WDR86: variants seen among roughly 807,000 people sequenced by gnomAD.
WDR86 encodes the protein WD repeat-containing protein 86.
A neutral mutation model predicts 36.5 loss-of-function variants in WDR86; 30 were observed. The ratio of observed to expected loss-of-function variants is 0.82; its 90% CI spans 0.61 to 1.11. The LOEUF (loss-of-function observed/expected upper bound fraction) is 1.11. Among genes scored for constraint, WDR86 ranks in the 50% most tolerant of loss-of-function variants. The pLI, the probability that WDR86 is intolerant of heterozygous loss-of-function variation, is 0.00. For missense variants in WDR86, 545 were observed against 561.2 expected (o/e 0.97, Z 0.29); for synonymous variants, 255 against 252.9 (o/e 1.01, Z -0.08).
In WDR86 at chr7:151,381,788, G is replaced by C; in HGVS notation, c.967-42C>G. 6.7e-7 allele frequency: 1 copy of C among 1,486,516 alleles called. No homozygotes were observed. Among genetic ancestry groups the C allele is most frequent in the South Asian group, 1.3e-5 (1 of 75,826 alleles). The allele number at this position is 1,486,516 out of a possible 1,614,324, so 92.1% of individuals were successfully genotyped here. Reference sequence around the variant, plus strand: ...GGGCGTCACCGGTGACGCGGTAGGCGGGGGGGACACCGCTGCCCGCGTGGA... The same window carrying C: ...GGGCGTCACCGGTGACGCGGTAGGCCGGGGGGACACCGCTGCCCGCGTGGA... On this transcript the variant is annotated intron_variant, in intron 5 of 5. Transcript: ENST00000334493. The surrounding 1 kb of genome is among the most constrained non-coding windows in gnomAD (Gnocchi z 4.8).
At chr7:151,399,284 C>G (rs905758214) in intron 2 of WDR86, among the ~76,000 whole-genome samples, 1 of 152,230 alleles carries the variant, frequency 6.6e-6, no homozygotes, top group Admixed American at 6.5e-5. Context: ...CCTGTCCCCC[C>G]ATGCGCTGGT....
At chr7:151,377,043 G>A (rs1293702820), downstream of WDR86, 3 of 1,540,528 alleles carry the variant, frequency 1.9e-6, no homozygotes, top group East Asian at 2.4e-5. Context: ...GTATTTTATT[G>A]TAGGAACCTC....
Position 151,409,368 on chromosome 7 carries a change from C to A in WDR86, c.163+59G>T. ...GTCTGCGGGCGCAGGAGCTGGGGTC[C>A]GCGGTCTGGGGCCGGTGAGCTGCGG... On this transcript the variant is annotated intron_variant, in intron 1 of 5. Transcript: ENST00000334493. This position sits in a 1 kb window ranked among gnomAD's most constrained non-coding sequence, Gnocchi z 5.2. 1 of 1,542,280 alleles carries A rather than the reference C, an allele frequency of 6.5e-7. No individual in the cohort carries two copies.
intron 1 of WDR86, among the ~76,000 whole-genome samples, chr7:151,407,202 T>C (rs1800767809): frequency 6.6e-6 from 1 of 152,196 alleles, no homozygotes; most frequent in South Asian, 2.1e-4. Flanking sequence ...CTGCCCTCAA[T>C]TAGGGCAGAA....
At chr7:151,400,275 C>G (rs767540759) in intron 1 of WDR86, 34 bp from the exon 2 acceptor site, 2 of 1,518,922 alleles carry the variant, frequency 1.3e-6, no homozygotes, top group African/African-American at 2.8e-5. Context: ...TGTGAGCGTA[C>G]TGGGGATGCC....
rs1250525083 is a variant in WDR86 at position 151,409,478 on chromosome 7, T to G, written c.112A>C (p.Thr38Pro). 8.5e-6 allele frequency: 13 copies of G among 1,536,552 alleles called. No homozygotes were observed. The highest frequency in any genetic ancestry group is 2.0e-5 in the Admixed American group (1 of 51,070). The change falls in exon 1 of 6, where the codon ACG (threonine) becomes CCG (proline). Residue 38 changes from threonine to proline, a missense_variant. Coordinates refer to ENST00000334493, the MANE Select transcript of WDR86 (RefSeq NM_198285.3). The surrounding 1 kb of genome is among the most constrained non-coding windows in gnomAD (Gnocchi z 5.2). The part of the protein sequence containing the change: ...QRLLTGSEDG[T>P]ARLWSTADGQ... ...TCCGCGGTGCTCCAGAGCCGGGCCG[T>G]GCCGTCCTCGCTGCCCGTCAGCAGG...
chr7:151,410,179 C>T, upstream of WDR86: 4 of 762,584 alleles, frequency 5.2e-6, no homozygotes, highest in Non-Finnish European at 6.4e-6. Flanking sequence ...CACGTGCGAC[C>T]CTCCTAGCTG....
intron 3 of WDR86, among the ~76,000 whole-genome samples, chr7:151,391,562 T>C (rs2240627): frequency 0.18 from 27,329 of 152,064 alleles, 2,671 homozygotes; most frequent in East Asian, 0.41. Flanking sequence ...CTGGATTCTG[T>C]TTCTCTGCGC....
At chr7:151,408,649 C>T in intron 1 of WDR86, 2 of 300,774 alleles carry the variant, frequency 6.6e-6, no homozygotes, top group Non-Finnish European at 1.3e-5. Context: ...CAGCAGAAAG[C>T]CTCGCGGCTC....
rs971715891 is a variant in WDR86, at chr7:151,388,534, T to C, written c.727-3311A>G. ...CGCTTAGAAGCAGGTCCTCACACCA[T>C]CTCTGGCCCGACCCTCTCCAAAGGA... On this transcript the variant is annotated intron_variant, in intron 3 of 5. Transcript: ENST00000334493. This position sits in a 1 kb window ranked among gnomAD's most constrained non-coding sequence, Gnocchi z 4.2. 1.3e-5 allele frequency among the ~76,000 whole-genome samples: 2 copies of C among 152,158 alleles called. No homozygotes were observed. Among genetic ancestry groups the C allele is most frequent in the African/African-American group, 4.8e-5 (2 of 41,442 alleles).
intron 3 of WDR86, among the ~76,000 whole-genome samples, chr7:151,391,160 C>T (rs1239175177): frequency 6.6e-6 from 1 of 152,220 alleles, no homozygotes; most frequent in Non-Finnish European, 1.5e-5. Context: ...CGATGGCCCT[C>T]GGTCAGAGAA....
intron 2 of WDR86, among the ~76,000 whole-genome samples, chr7:151,397,701 T>C (rs62490299): frequency 0.087 from 2,893 of 33,128 alleles, 135 homozygotes; most frequent in African/African-American, 0.17. Context: ...GAGGGTGTAG[T>C]GGGAGGAAGG....
downstream of WDR86, chr7:151,376,508 C>A: frequency 1.1e-6 from 1 of 908,352 alleles, no homozygotes; most frequent in Non-Finnish European, 1.6e-6. Flanking sequence ...GACTTGTGCA[C>A]AAAGGGCCAT....
intron 1 of WDR86, among the ~76,000 whole-genome samples, chr7:151,402,070 A>AAAAAAAAAATATATATATATATATATAT: frequency 4.0e-5 from 2 of 50,526 alleles, no homozygotes; most frequent in African/African-American, 1.2e-4. Flanking sequence ...AAAAAAAAAA[A>AAAAAAAAAATATATATATATATATATAT]ATATATATAT....
chr7:151,382,439 G>T (rs1459668698), intron 4 of WDR86, among the ~76,000 whole-genome samples: 1 of 152,190 alleles, frequency 6.6e-6, no homozygotes, highest in Non-Finnish European at 1.5e-5. Context: ...CCCTAGCGGG[G>T]GCGAGCCTCC....
downstream of WDR86, among the ~76,000 whole-genome samples, chr7:151,380,581 G>A (rs567913667): frequency 6.6e-6 from 1 of 152,104 alleles, no homozygotes; most frequent in East Asian, 1.9e-4. Context: ...AGGGACTGAA[G>A]AGCACCCCGC....
rs4141455 is a variant in WDR86, at chr7:151,381,649, A to G, written c.1064T>C (p.Met355Thr). 1,129,960 of 1,393,192 alleles carry G rather than the reference A, an allele frequency of 0.81. 459,769 individuals carry two copies. Among genetic ancestry groups the G allele is most frequent in the East Asian group, 1 (33,298 of 33,444 alleles). The allele number at this position is 1,393,192 out of a possible 1,614,324, so 86.3% of individuals were successfully genotyped here. A position where few individuals can be genotyped will look rare whatever the true frequency, so the allele number is the denominator to read the frequency against. ...LRGAPRPPPP[M>T]RSLSRLFSNK... The stretch of plus-strand genomic sequence containing the variant: ...GCTGAAGAGCCGCGAGAGGCTGCGC[A>G]TGGGCGGAGGGGGCCGCGGGGCACC... Residue 355 changes from methionine to threonine, a missense_variant, in exon 6 of 6, where the codon ATG becomes ACG. By Grantham distance (81) the Met-to-Thr change is moderately conservative (BLOSUM62 -1). Transcript: ENST00000334493. The surrounding 1 kb of genome is among the most constrained non-coding windows in gnomAD (Gnocchi z 4.8).
Position 151,381,605 on chromosome 7 carries a change from C to T in WDR86, c.1108G>A (p.Ala370Thr), listed in dbSNP as rs768345697. The change falls in exon 6 of 6, where the codon GCC (alanine) becomes ACC (threonine). Residue 370 changes from alanine to threonine, a missense_variant. By Grantham distance (58) the Ala-to-Thr change is moderately conservative. Coordinates refer to ENST00000334493, the MANE Select transcript of WDR86 (RefSeq NM_198285.3). This position sits in a 1 kb window ranked among gnomAD's most constrained non-coding sequence, Gnocchi z 4.8. ...GATCAGGCCGGCTGCAGGGGCGCGGCGGCGCAGCCCACCTTGTTGCTGAAG... is the reference window on the plus strand; with the variant it reads ...GATCAGGCCGGCTGCAGGGGCGCGGTGGCGCAGCCCACCTTGTTGCTGAAG... ...RLFSNKVGCA[A>T]APLQPA 2.9e-6 allele frequency: 4 copies of T among 1,371,338 alleles called. No homozygotes were observed. Among genetic ancestry groups the T allele is most frequent in the Non-Finnish European group, 3.7e-6 (4 of 1,072,502 alleles). The allele number at this position is 1,371,338 out of a possible 1,614,324, so 84.9% of individuals were successfully genotyped here. A position where few individuals can be genotyped will look rare whatever the true frequency, so the allele number is the denominator to read the frequency against.
At chr7:151,402,189 G>A (rs906488082) in intron 1 of WDR86, among the ~76,000 whole-genome samples, 2 of 150,450 alleles carry the variant, frequency 1.3e-5, no homozygotes, top group African/African-American at 2.5e-5. Context: ...GTGGCCACGA[G>A]CGCAGGAATG....
Sources: allele counts gnomAD v4.1 joint callset (sites outside exome capture counted in the v4.1 genomes callset), GRCh38; gene constraint gnomAD v4.1.1; non-coding constraint Gnocchi (gnomAD v3.1); transcripts MANE v1.5; gene names NCBI Gene and HGNC (gene_info 2026-07-23, HGNC 2026-07-21).